Variants in SNTG2 observed in about 807,000 individuals in gnomAD.
SNTG2 encodes gamma-2-syntrophin.
In SNTG2, 74 loss-of-function variants were observed where a neutral mutation model predicts 70.9. That is an observed-to-expected ratio of 1.04 (90% CI 0.86 to 1.27). SNTG2 has a LOEUF of 1.27. SNTG2 is among the 50% of genes most tolerant of loss of function. The pLI, the probability that SNTG2 is intolerant of heterozygous loss-of-function variation, is 0.00. For synonymous variants in SNTG2, 278 were observed against 273.8 expected, an observed-to-expected ratio of 1.02 and a Z score of -0.15; for missense variants, 717 against 690.7, an observed-to-expected ratio of 1.04 and a Z score of -0.43.
intron 11 of SNTG2, among the ~76,000 whole-genome samples, chr2:1,243,444 A>AC (rs34293229): frequency 0.22 from 33,664 of 152,042 alleles, 5,931 homozygotes; most frequent in African/African-American, 0.48. Context: ...TGGTAATTCC[A>AC]CCCTTGATCA....
intron 1 of SNTG2, among the ~76,000 whole-genome samples, chr2:1,011,123 A>G (rs1190030165): frequency 1.3e-5 from 2 of 152,252 alleles, no homozygotes; most frequent in African/African-American, 4.8e-5. Context: ...AAACATGATC[A>G]GCAAGTATGA....
chr2:1,235,220 C>G (rs1403967978), intron 9 of SNTG2, among the ~76,000 whole-genome samples: 1 of 144,666 alleles, frequency 6.9e-6, no homozygotes, highest in Admixed American at 6.8e-5. Context: ...ACCAGGCACC[C>G]CCGATTCATG....
chr2:1,036,249 CTTTA>C (rs1462801866), intron 1 of SNTG2, among the ~76,000 whole-genome samples: 2 of 151,606 alleles, frequency 1.3e-5, no homozygotes, highest in African/African-American at 2.4e-5. Flanking sequence ...GAGATTTGTT[CTTTA>C]TTTCTTTCTT....
At chr2:1,164,073 A>G (rs1670531049) in intron 6 of SNTG2, among the ~76,000 whole-genome samples, 1 of 152,168 alleles carries the variant, frequency 6.6e-6, no homozygotes, top group African/African-American at 2.4e-5. Flanking sequence ...GATCAGAGGG[A>G]GCGATGAAGT....
At chr2:996,839 G>A (rs112230038) in intron 1 of SNTG2, among the ~76,000 whole-genome samples, 95 of 152,080 alleles carry the variant, frequency 6.2e-4, no homozygotes, top group African/African-American at 2.0e-3. Flanking sequence ...TTTGAAAACT[G>A]TCTGATTCCT....
chr2:1,328,823 G>A (rs113975204), intron 16 of SNTG2, among the ~76,000 whole-genome samples: 6,278 of 151,446 alleles, frequency 0.041, 437 homozygotes, highest in African/African-American at 0.15. Flanking sequence ...ACACATGCAC[G>A]CACATATACA....
At chr2:1,113,291 C>T (rs78257421) in intron 4 of SNTG2, among the ~76,000 whole-genome samples, 4,155 of 148,354 alleles carry the variant, frequency 0.028, 188 homozygotes, top group African/African-American at 0.098. Flanking sequence ...TGAGAAGGAT[C>T]GTGTGTACTA....
intron 14 of SNTG2, among the ~76,000 whole-genome samples, chr2:1,285,075 A>C (rs1679713473): frequency 6.6e-6 from 1 of 152,156 alleles, no homozygotes; most frequent in Non-Finnish European, 1.5e-5. Flanking sequence ...CCGAGTCCCA[A>C]AGCTGAAGAG....
At chr2:992,585 A>G (rs554897742) in intron 1 of SNTG2, among the ~76,000 whole-genome samples, 1 of 152,216 alleles carries the variant, frequency 6.6e-6, no homozygotes, top group East Asian at 1.9e-4. Context: ...CTCAGACTTC[A>G]TTTCTGAATA....
intron 6 of SNTG2, among the ~76,000 whole-genome samples, chr2:1,156,690 G>A (rs1349202058): frequency 6.6e-6 from 1 of 152,162 alleles, no homozygotes; most frequent in Non-Finnish European, 1.5e-5. Context: ...CGAGGGACCA[G>A]GGGTTCGGTT....
intron 1 of SNTG2, among the ~76,000 whole-genome samples, chr2:1,041,252 C>T (rs943021255): frequency 1.3e-5 from 2 of 152,158 alleles, no homozygotes; most frequent in Non-Finnish European, 2.9e-5. Flanking sequence ...GCCTTTACCA[C>T]GTGGTGTTTG....
chr2:1,066,288 T>C (rs1246298519), intron 1 of SNTG2, among the ~76,000 whole-genome samples: 1 of 152,150 alleles, frequency 6.6e-6, no homozygotes, highest in Non-Finnish European at 1.5e-5. Flanking sequence ...AGAGATCAGG[T>C]GAATATGACA....
chr2:978,066 T>C (rs1558290067), intron 1 of SNTG2, among the ~76,000 whole-genome samples: 1 of 152,256 alleles, frequency 6.6e-6, no homozygotes, highest in East Asian at 1.9e-4. Flanking sequence ...TGTGACCCCA[T>C]TGAAGCATGG....
At chr2:1,200,350 CATATTA>C (rs1673199176) in intron 8 of SNTG2, among the ~76,000 whole-genome samples, 1 of 151,894 alleles carries the variant, frequency 6.6e-6, no homozygotes, top group African/African-American at 2.4e-5. Context: ...TATTTCTCAC[CATATTA>C]AAAAATCAAC....
At chr2:1,233,900 C>T (rs957245710) in intron 9 of SNTG2, among the ~76,000 whole-genome samples, 4 of 152,054 alleles carry the variant, frequency 2.6e-5, no homozygotes, top group Non-Finnish European at 4.4e-5. Flanking sequence ...GGTTTCTTCT[C>T]GGTGGACCCC....
chr2:1,306,231 A>T (rs1680661668), intron 14 of SNTG2, among the ~76,000 whole-genome samples: 1 of 151,932 alleles, frequency 6.6e-6, no homozygotes, highest in Non-Finnish European at 1.5e-5. Context: ...TGTGTAGAGT[A>T]TTTGTGACCG....
At chr2:1,152,321 G>T (rs1428334190) in intron 6 of SNTG2, among the ~76,000 whole-genome samples, 3 of 152,220 alleles carry the variant, frequency 2.0e-5, no homozygotes, top group South Asian at 4.1e-4. Flanking sequence ...GAAACAGAGC[G>T]AGTAGGAAAG....
intron 6 of SNTG2, among the ~76,000 whole-genome samples, chr2:1,149,672 G>GTTTTTT (rs1221169268): frequency 2.7e-5 from 4 of 146,470 alleles, no homozygotes; most frequent in African/African-American, 1.0e-4. Context: ...GTTGATTAGC[G>GTTTTTT]TTTTTTTTTT....
intron 1 of SNTG2, among the ~76,000 whole-genome samples, chr2:1,033,665 G>A (rs1660969194): frequency 6.6e-6 from 1 of 152,242 alleles, no homozygotes; most frequent in African/African-American, 2.4e-5. Flanking sequence ...TTGCCAGTCT[G>A]CTGTCTTGCT....
Sources: allele counts gnomAD v4.1 joint callset (sites outside exome capture counted in the v4.1 genomes callset), GRCh38; gene constraint gnomAD v4.1.1; transcripts MANE v1.5; gene names NCBI Gene and HGNC (gene_info 2026-07-23, HGNC 2026-07-21).